Variants in GPR141 observed in about 807,000 individuals in gnomAD.
GPR141 encodes the protein G protein-coupled receptor 141.
In GPR141, 6 loss-of-function variants were observed where a neutral mutation model predicts 6.8. The ratio of observed to expected loss-of-function variants is 0.88; its 90% confidence interval spans 0.48 to 1.74. GPR141 has a LOEUF of 1.74. Among genes scored for constraint, GPR141 ranks in the 40% most tolerant of loss-of-function variants. The pLI, the probability that GPR141 is intolerant of heterozygous loss-of-function variation, is 0.01. For missense variants in GPR141, 372 were observed against 372.9 expected (o/e 1.00, Z 0.02); for synonymous variants, 140 against 142.3 (o/e 0.98, Z 0.11).
intron 2 of GPR141, among the ~76,000 whole-genome samples, chr7:37,725,091 C>T (rs1170122265): frequency 1.3e-5 from 2 of 152,096 alleles, no homozygotes; most frequent in Non-Finnish European, 2.9e-5. Context: ...GTGATTTTTT[C>T]TTCTGATTCC....
chr7:37,687,487 T>C (rs1809562971), intron 2 of GPR141, among the ~76,000 whole-genome samples: 2 of 152,146 alleles, frequency 1.3e-5, no homozygotes, highest in Admixed American at 1.3e-4. Flanking sequence ...AGTGAGCCTG[T>C]GCAGTATCAC....
intron 2 of GPR141, among the ~76,000 whole-genome samples, chr7:37,686,464 A>G (rs1809518004): frequency 6.6e-6 from 1 of 152,186 alleles, no homozygotes; most frequent in Admixed American, 6.5e-5. Flanking sequence ...CAATGTTATT[A>G]TTCGTGACAG....
chr7:37,731,688 G>A (rs1811946704), intron 2 of GPR141, among the ~76,000 whole-genome samples: 1 of 152,134 alleles, frequency 6.6e-6, no homozygotes, highest in Admixed American at 6.5e-5. Context: ...TCCTGACCTC[G>A]TGATCCGCCC....
chr7:37,726,011 C>A (rs1253280567), intron 2 of GPR141, among the ~76,000 whole-genome samples: 1 of 152,084 alleles, frequency 6.6e-6, no homozygotes, highest in Non-Finnish European at 1.5e-5. Context: ...TACCTTTAAC[C>A]TCCTCCCCAC....
rs764774782 is a variant in GPR141, at chr7:37,740,657, C to A, written c.264C>A (p.Cys88Ter). Reference sequence around the variant, plus strand: ...CTTGGATGTTTGGGCTGCCCTTCTGCAAATTTGTGAGTGCCATGCTGCACA... The same window carrying A: ...CTTGGATGTTTGGGCTGCCCTTCTGAAAATTTGTGAGTGCCATGCTGCACA... ...KKTWMFGLPF[C>*]KFVSAMLHIH... is the part of the protein sequence containing the mutation. The change falls in exon 3 of 3, where the codon TGC becomes TGA. Residue 88 changes from cysteine to a stop codon, truncating the protein, a stop_gained. Transcript: ENST00000334425. LOFTEE classifies it low-confidence loss of function (END_TRUNC). The A allele has an allele frequency of 9.3e-6, 15 of 1,613,992 alleles. No individual in the cohort carries two copies. Among genetic ancestry groups the A allele is most frequent in the Non-Finnish European group, 1.2e-5 (14 of 1,180,004 alleles).
intron 2 of GPR141, among the ~76,000 whole-genome samples, chr7:37,693,360 A>G (rs1051958529): frequency 2.0e-5 from 3 of 152,148 alleles, no homozygotes; most frequent in Non-Finnish European, 4.4e-5. Context: ...CCATTGGTCT[A>G]TATGTCTGTT....
chr7:37,712,375 G>A (rs904689829), intron 2 of GPR141, among the ~76,000 whole-genome samples: 1 of 152,184 alleles, frequency 6.6e-6, no homozygotes, highest in African/African-American at 2.4e-5. Context: ...CCCAGGGTGT[G>A]TATGTCTGAG....
rs1424464569 is a variant in GPR141 at position 37,743,222 on chromosome 7, TTTA to T, written c.*1916_*1918del. Among the ~76,000 whole-genome samples, 2 of 50,894 alleles carry T rather than the reference TTTA, an allele frequency of 3.9e-5. No homozygotes were observed. The highest frequency in any genetic ancestry group is 1.4e-4 in the African/African-American group (2 of 13,840). 33.4% of individuals were successfully genotyped at this position (50,894 alleles called of 152,430 possible). ...TTCGGGATTTAAAAGTTTTTCATAA[TTTA>T]TTATCACTGTGGATCCACAAATTCC... is the stretch of plus-strand genomic sequence containing the variant. On this transcript the variant is annotated 3_prime_UTR_variant, in exon 3 of 3. Transcript: ENST00000334425.
At chr7:37,717,513 A>C (rs1167723331) in intron 2 of GPR141, among the ~76,000 whole-genome samples, 1 of 152,200 alleles carries the variant, frequency 6.6e-6, no homozygotes, top group Non-Finnish European at 1.5e-5. Context: ...TTTCCATATC[A>C]GTGCCTGCCT....
At chr7:37,685,884 T>C (rs906585660) in intron 2 of GPR141, among the ~76,000 whole-genome samples, 1 of 151,772 alleles carries the variant, frequency 6.6e-6, no homozygotes, top group Admixed American at 6.6e-5. Context: ...TTAAAATCAA[T>C]GAGCCTGTGA....
rs529336712 is a variant in GPR141, at chr7:37,710,145, TA to T, written c.-15+24563del. ...AGTTTAGTCATCTCACTCTTCATAA[TA>T]GAAAATGGAAGTAGAACTATCTTTT... On this transcript the variant is annotated intron_variant, in intron 2 of 2. Coordinates refer to ENST00000334425, the MANE Select transcript of GPR141 (RefSeq NM_001381946.1). Among the ~76,000 whole-genome samples the T allele has an allele frequency of 1.7e-3, 262 of 152,370 alleles. 3 individuals are homozygous for T. The highest frequency in any genetic ancestry group is 0.015 in the Admixed American group (236 of 15,306).
chr7:37,727,237 TC>T (rs1449566122), intron 2 of GPR141, among the ~76,000 whole-genome samples: 2 of 152,208 alleles, frequency 1.3e-5, no homozygotes, highest in Non-Finnish European at 2.9e-5. Context: ...GTAGAAAATG[TC>T]CTTTAATTAT....
At chr7:37,721,582 A>G (rs1177324975) in intron 2 of GPR141, among the ~76,000 whole-genome samples, 2 of 152,184 alleles carry the variant, frequency 1.3e-5, no homozygotes, top group African/African-American at 2.4e-5. Context: ...GGTTACTTCT[A>G]CAGATGAAAT....
chr7:37,733,563 T>C (rs570135339), intron 2 of GPR141, among the ~76,000 whole-genome samples: 6 of 150,418 alleles, frequency 4.0e-5, no homozygotes, highest in Non-Finnish European at 8.9e-5. Flanking sequence ...TCCCAGCTAC[T>C]CCGGAGGCTG....
chr7:37,706,668 A>C (rs554650119), intron 2 of GPR141, among the ~76,000 whole-genome samples: 2 of 152,284 alleles, frequency 1.3e-5, no homozygotes, highest in South Asian at 4.1e-4. Context: ...CCTAGTACTC[A>C]AATGGAGAGG....
intron 2 of GPR141, among the ~76,000 whole-genome samples, chr7:37,736,980 G>C (rs906715080): frequency 2.6e-5 from 4 of 151,194 alleles, no homozygotes; most frequent in Admixed American, 1.3e-4. Flanking sequence ...TAAAAAGCAT[G>C]AAAACTGAGA....
intron 2 of GPR141, among the ~76,000 whole-genome samples, chr7:37,697,365 G>C (rs1217028894): frequency 2.0e-5 from 3 of 152,188 alleles, no homozygotes; most frequent in Non-Finnish European, 4.4e-5. Context: ...AAATGACTGA[G>C]TGGGTAGTTA....
chr7:37,701,888 C>A (rs1289789382), intron 2 of GPR141, among the ~76,000 whole-genome samples: 1 of 152,166 alleles, frequency 6.6e-6, no homozygotes, highest in African/African-American at 2.4e-5. Flanking sequence ...TGTTTATTTT[C>A]TTTTTTCCTC....
At chr7:37,730,582 C>T (rs375296379) in intron 2 of GPR141, among the ~76,000 whole-genome samples, 18 of 152,326 alleles carry the variant, frequency 1.2e-4, no homozygotes, top group African/African-American at 3.1e-4. Flanking sequence ...GTATATAACA[C>T]GCGTCAAAGC....
Sources: gnomAD v4.1 joint callset for allele counts (sites outside exome capture counted in the v4.1 genomes callset) on GRCh38, gnomAD v4.1.1 for gene constraint, MANE v1.5 for transcripts, NCBI Gene and HGNC (gene_info 2026-07-23, HGNC 2026-07-21) for gene names.